PLPPR5: variants seen among roughly 807,000 people sequenced by gnomAD.
PLPPR5 encodes phospholipid phosphatase related 5.
In PLPPR5, 16 loss-of-function variants were observed where a neutral mutation model predicts 33.9. The observed-to-expected ratio is 0.47, with a 90% CI of 0.32 to 0.72. The LOEUF is 0.72. Among genes scored for constraint, PLPPR5 ranks in the 30% least tolerant of loss-of-function variants. PLPPR5 has a pLI of 0.03. For missense variants in PLPPR5, 301 were observed against 406.7 expected (o/e 0.74, Z 2.23); for synonymous variants, 163 against 150.3 (o/e 1.08, Z -0.62).
Position 98,896,412 on chromosome 1 carries a change from A to G in PLPPR5, c.934-3308T>C, listed in dbSNP as rs537472418. On this transcript the variant is annotated intron_variant, in intron 5 of 5. Coordinates refer to ENST00000263177, the MANE Select transcript of PLPPR5 (RefSeq NM_001037317.2). ...AATCTTTTTAGTAGATGATAGTGCA[A>G]AAAAGCAGTAGGCAAACCAAAAGCT... Among the ~76,000 whole-genome samples the G allele has an allele frequency of 4.6e-5, 7 of 152,252 alleles. No individual in the cohort carries two copies. The East Asian group carries it at 1.4e-3, about 29-fold the overall frequency.
chr1:98,962,331 C>T (rs1651278220), intron 1 of PLPPR5, among the ~76,000 whole-genome samples: 1 of 152,146 alleles, frequency 6.6e-6, no homozygotes, highest in African/African-American at 2.4e-5. Flanking sequence ...GGTGAAAACA[C>T]TTAGAATCTA....
At chr1:98,987,622 T>C (rs1652303779) in intron 1 of PLPPR5, among the ~76,000 whole-genome samples, 1 of 151,900 alleles carries the variant, frequency 6.6e-6, no homozygotes, top group East Asian at 1.9e-4. Flanking sequence ...TGCATTCAAA[T>C]AAATTCATGG....
intron 3 of PLPPR5, among the ~76,000 whole-genome samples, chr1:98,929,983 C>T (rs1292143213): frequency 6.6e-6 from 1 of 152,208 alleles, no homozygotes; most frequent in East Asian, 1.9e-4. Context: ...GAAGAATTAT[C>T]TGCAAGCAAA....
At chr1:98,947,708 C>T (rs2101202746) in intron 3 of PLPPR5, among the ~76,000 whole-genome samples, 1 of 152,154 alleles carries the variant, frequency 6.6e-6, no homozygotes, top group South Asian at 2.1e-4. Context: ...CAGTAGATAC[C>T]TCACAAATGT....
intron 5 of PLPPR5, among the ~76,000 whole-genome samples, chr1:98,907,203 C>T (rs1299870386): frequency 3.8e-5 from 5 of 132,176 alleles, no homozygotes; most frequent in African/African-American, 5.8e-5. Context: ...TATTGTAATC[C>T]TTTTTTTTTT....
At chr1:98,953,655 T>C (rs1053235980) in intron 2 of PLPPR5, among the ~76,000 whole-genome samples, 2 of 152,046 alleles carry the variant, frequency 1.3e-5, no homozygotes, top group African/African-American at 4.8e-5. Context: ...CTTGAGAGGG[T>C]ATAGTCTATC....
chr1:98,979,708 C>A (rs1430368403), intron 1 of PLPPR5, among the ~76,000 whole-genome samples: 1 of 152,078 alleles, frequency 6.6e-6, no homozygotes, highest in African/African-American at 2.4e-5. Context: ...TGATGTGGGG[C>A]TGCCAAGCTC....
chr1:98,958,464 G>C (rs1287434683), intron 1 of PLPPR5, among the ~76,000 whole-genome samples: 3 of 151,916 alleles, frequency 2.0e-5, no homozygotes, highest in African/African-American at 4.8e-5. Flanking sequence ...ACATTGAGTG[G>C]AACTAAATTA....
At chr1:99,001,671 G>GAGAGATATATAT (rs1553173331) in intron 1 of PLPPR5, among the ~76,000 whole-genome samples, 1 of 102,190 alleles carries the variant, frequency 9.8e-6, no homozygotes, top group African/African-American at 3.9e-5. Context: ...GAAAGTTAAA[G>GAGAGATATATAT]ATATATATAT....
chr1:98,942,459 C>A (rs923616171), intron 3 of PLPPR5, among the ~76,000 whole-genome samples: 3 of 152,164 alleles, frequency 2.0e-5, no homozygotes, highest in Admixed American at 2.0e-4. Flanking sequence ...TGTGCATTAG[C>A]TTGTTAGATC....
chr1:98,969,299 A>G (rs1651568145), intron 1 of PLPPR5, among the ~76,000 whole-genome samples: 1 of 152,032 alleles, frequency 6.6e-6, no homozygotes, highest in Non-Finnish European at 1.5e-5. Flanking sequence ...GCAAAAGTAA[A>G]GCTGAGAAAT....
chr1:98,990,296 G>C (rs1652407803), intron 1 of PLPPR5, among the ~76,000 whole-genome samples: 1 of 152,116 alleles, frequency 6.6e-6, no homozygotes, highest in African/African-American at 2.4e-5. Flanking sequence ...TTGAACCCAA[G>C]AGGTGGAGGT....
chr1:98,913,121 A>G (rs1465597094), intron 5 of PLPPR5, among the ~76,000 whole-genome samples: 1 of 152,132 alleles, frequency 6.6e-6, no homozygotes, highest in Admixed American at 6.5e-5. Context: ...ACCCTCCAGA[A>G]CAAATCTCAT....
At chr1:98,953,715 T>A (rs1014505539) in intron 2 of PLPPR5, among the ~76,000 whole-genome samples, 5 of 152,158 alleles carry the variant, frequency 3.3e-5, no homozygotes, top group Admixed American at 6.5e-5. Context: ...TTTTTGAAAA[T>A]TTTTTTATCT....
In PLPPR5 at chr1:98,922,072, T is replaced by TAAA; in HGVS notation, c.622-17_622-15dup. 1 of 1,554,658 alleles carries TAAA rather than the reference T, an allele frequency of 6.4e-7. No individual in the cohort carries two copies. Among genetic ancestry groups the TAAA allele is most frequent in the Non-Finnish European group, 8.8e-7 (1 of 1,136,652 alleles). Reference sequence around the variant, plus strand: ...GGTGATGTACATCTGAAACATTCAATAAAAAAAATGACTTTTCATGAAGGT... The same window carrying TAAA: ...GGTGATGTACATCTGAAACATTCAATAAAAAAAAAAATGACTTTTCATGAAGGT... On this transcript the variant is annotated splice_polypyrimidine_tract_variant and intron_variant, in intron 3 of 5. Coordinates refer to ENST00000263177, the MANE Select transcript of PLPPR5 (RefSeq NM_001037317.2).
chr1:98,893,140 T>C (rs1648344911), intron 5 of PLPPR5, 36 bp from the exon 6 acceptor site: 3 of 1,600,106 alleles, frequency 1.9e-6, no homozygotes, highest in African/African-American at 1.3e-5. Context: ...AGTGAGAGGC[T>C]TGGGAACATT....
Position 98,893,115 on chromosome 1 carries a change from A to T in PLPPR5, c.934-11T>A. ...GGCAGTGATGTGGTTCTGCAAAAAG[A>T]AAAAGGAATGACAAAGTGAGAGGCT... On this transcript the variant is annotated splice_polypyrimidine_tract_variant and intron_variant, in intron 5 of 5. Coordinates refer to ENST00000263177, the MANE Select transcript of PLPPR5 (RefSeq NM_001037317.2). The T allele has an allele frequency of 6.2e-7, 1 of 1,609,896 alleles. No homozygotes were observed. The highest frequency in any genetic ancestry group is 8.5e-7 in the Non-Finnish European group (1 of 1,177,584).
intron 3 of PLPPR5, among the ~76,000 whole-genome samples, chr1:98,938,907 C>A (rs1457433359): frequency 6.6e-6 from 1 of 152,226 alleles, no homozygotes; most frequent in African/African-American, 2.4e-5. Flanking sequence ...CACATGTTCT[C>A]ACTTACAAGT....
intron 1 of PLPPR5, among the ~76,000 whole-genome samples, chr1:98,984,367 G>A (rs945355903): frequency 2.0e-5 from 3 of 152,036 alleles, no homozygotes; most frequent in African/African-American, 7.2e-5. Context: ...AAAGAACTGA[G>A]TACACCCCCT....
Sources: gnomAD v4.1 joint callset for allele counts (sites outside exome capture counted in the v4.1 genomes callset) on GRCh38, gnomAD v4.1.1 for gene constraint, MANE v1.5 for transcripts, NCBI Gene and HGNC (gene_info 2026-07-23, HGNC 2026-07-21) for gene names.